RBM19: variants seen among roughly 807,000 people sequenced by gnomAD.
RBM19 encodes probable RNA-binding protein 19.
RBM19 carries 94 observed loss-of-function variants against 116.8 expected under a neutral mutation model. That is an observed-to-expected ratio of 0.80 (90% CI 0.68 to 0.95). RBM19 has a LOEUF of 0.95. Among genes scored for constraint, RBM19 ranks in the 40% least tolerant of loss-of-function variants. RBM19 has a pLI of 0.00. For missense variants in RBM19, 1,161 were observed against 1,220.7 expected, an observed-to-expected ratio of 0.95 and a Z score of 0.73; for synonymous variants, 475 against 494.1, an observed-to-expected ratio of 0.96 and a Z score of 0.51.
intron 9 of RBM19, 87 bp downstream of exon 9, chr12:113,949,996 T>C (rs1871337013): frequency 1.7e-6 from 2 of 1,187,816 alleles, no homozygotes; most frequent in Middle Eastern, 2.4e-4. Flanking sequence ...GTGGTGGTGA[T>C]GGTGCTGGTA....
chr12:113,959,130 C>T, intron 5 of RBM19, 82 bp downstream of exon 5: 2 of 1,507,202 alleles, frequency 1.3e-6, no homozygotes, highest in Non-Finnish European at 1.8e-6. Flanking sequence ...CTAGAGTCTG[C>T]ACAGAGGGGC....
chr12:113,870,622 C>T (rs1218089432), intron 21 of RBM19, among the ~76,000 whole-genome samples: 1 of 152,132 alleles, frequency 6.6e-6, no homozygotes, highest in Non-Finnish European at 1.5e-5. Context: ...CTTACAAATA[C>T]AGGGAGAATG....
intron 21 of RBM19, among the ~76,000 whole-genome samples, chr12:113,873,957 C>T (rs951605435): frequency 1.3e-5 from 2 of 152,052 alleles, no homozygotes; most frequent in African/African-American, 4.8e-5. Context: ...CTGCTTAGCA[C>T]AGAGACAAAC....
intron 23 of RBM19, among the ~76,000 whole-genome samples, chr12:113,832,147 A>G (rs1447899810): frequency 6.6e-6 from 1 of 151,992 alleles, no homozygotes; most frequent in African/African-American, 2.4e-5. Context: ...AGCTGGAGAT[A>G]GGTTAAAACA....
chr12:113,875,327 T>C (rs1277058125), intron 21 of RBM19, among the ~76,000 whole-genome samples: 1 of 152,206 alleles, frequency 6.6e-6, no homozygotes, highest in East Asian at 1.9e-4. Flanking sequence ...TTGAAATGAA[T>C]CTGCGAGTTG....
chr12:113,966,096 G>A (rs1872845486), intron 1 of RBM19, 96 bp downstream of exon 1: 1 of 1,508,380 alleles, frequency 6.6e-7, no homozygotes, highest in Non-Finnish European at 9.2e-7. Context: ...CTGCCCCAGA[G>A]CAAAAATTCT....
At chr12:113,912,808 TA>T (rs577129400) in intron 21 of RBM19, among the ~76,000 whole-genome samples, 280 of 152,264 alleles carry the variant, frequency 1.8e-3, no homozygotes, top group Middle Eastern at 6.8e-3. Flanking sequence ...TAATGACCTT[TA>T]CCGGCCAGTG....
chr12:113,931,903 T>C (rs1403709408), intron 16 of RBM19, among the ~76,000 whole-genome samples: 3 of 152,230 alleles, frequency 2.0e-5, no homozygotes, highest in Non-Finnish European at 2.9e-5. Flanking sequence ...ATCATCACTG[T>C]ATTGAGCAGT....
chr12:113,931,238 G>T (rs1869571006), intron 16 of RBM19, among the ~76,000 whole-genome samples: 1 of 152,052 alleles, frequency 6.6e-6, no homozygotes. Context: ...CAGACCACTG[G>T]CAAAGATAAT....
rs550339774 is a variant in RBM19 at position 113,857,821 on chromosome 12, C to T, written c.2664+970G>A. Reference sequence around the variant, plus strand: ...TTGGCTCTGCACAGCTGACCCACCCCCTGGGCCTCTTGTGATGCCAGCCTG... The same window carrying T: ...TTGGCTCTGCACAGCTGACCCACCCTCTGGGCCTCTTGTGATGCCAGCCTG... On this transcript the variant is annotated intron_variant, in intron 22 of 23. Transcript: ENST00000261741. Among the ~76,000 whole-genome samples the T allele has an allele frequency of 4.6e-5, 7 of 152,378 alleles. No homozygotes were observed. In the South Asian group the frequency reaches 6.2e-4, roughly 14 times the overall value.
intron 21 of RBM19, among the ~76,000 whole-genome samples, chr12:113,872,208 C>T (rs2135768386): frequency 6.8e-6 from 1 of 147,796 alleles, no homozygotes; most frequent in Middle Eastern, 3.4e-3. Context: ...GCGCCTCTGC[C>T]CGGCCGAGAC....
chr12:113,891,577 AC>A (rs1052467683), intron 21 of RBM19, among the ~76,000 whole-genome samples: 26 of 152,246 alleles, frequency 1.7e-4, no homozygotes, highest in African/African-American at 5.8e-4. Flanking sequence ...ATGTTCACTT[AC>A]TTGAGGATAT....
At chr12:113,887,321 C>T (rs1354331544) in intron 21 of RBM19, among the ~76,000 whole-genome samples, 1 of 152,062 alleles carries the variant, frequency 6.6e-6, no homozygotes, top group South Asian at 2.1e-4. Context: ...ATCTGAATCA[C>T]CTGACAGGGA....
intron 21 of RBM19, among the ~76,000 whole-genome samples, chr12:113,908,330 T>A (rs927903500): frequency 6.6e-6 from 1 of 151,368 alleles, no homozygotes; most frequent in Admixed American, 6.6e-5. Flanking sequence ...ACAAGGGAGG[T>A]GTGTGTGGGG....
chr12:113,830,506 T>C (rs1198427634), intron 23 of RBM19, among the ~76,000 whole-genome samples: 2 of 135,488 alleles, frequency 1.5e-5, no homozygotes, highest in Non-Finnish European at 3.1e-5. Flanking sequence ...CACAACCCCA[T>C]ACACAGGGGC....
At chr12:113,928,427 C>CACGTGCAT (rs1401226142) in intron 16 of RBM19, among the ~76,000 whole-genome samples, 2 of 149,010 alleles carry the variant, frequency 1.3e-5, no homozygotes, top group East Asian at 4.0e-4. Context: ...TACACACACA[C>CACGTGCAT]ACACACACAC....
chr12:113,880,515 T>A (rs190492441), intron 21 of RBM19, among the ~76,000 whole-genome samples: 1 of 152,194 alleles, frequency 6.6e-6, no homozygotes, highest in Non-Finnish European at 1.5e-5. Context: ...AGGGTCATAT[T>A]TCAAGTGGCT....
At chr12:113,964,444 GACAA>G (rs1334473649) in intron 1 of RBM19, among the ~76,000 whole-genome samples, 3 of 152,142 alleles carry the variant, frequency 2.0e-5, no homozygotes, top group South Asian at 2.1e-4. Context: ...CATGAGATAA[GACAA>G]ACAATGATAA....
chr12:113,858,541 T>G (rs1878104728), intron 22 of RBM19, among the ~76,000 whole-genome samples: 1 of 152,154 alleles, frequency 6.6e-6, no homozygotes, highest in South Asian at 2.1e-4. Context: ...ATCCCCAGTT[T>G]ATGTCCCAGG....
Sources: gnomAD v4.1 joint callset for allele counts (sites outside exome capture counted in the v4.1 genomes callset) on GRCh38, gnomAD v4.1.1 for gene constraint, MANE v1.5 for transcripts, NCBI Gene and HGNC (gene_info 2026-07-23, HGNC 2026-07-21) for gene names.